Variants in NEDD4L observed in about 807,000 individuals in gnomAD.
The protein encoded by NEDD4L is NEDD4 like E3 ubiquitin protein ligase.
Under a neutral mutation model 148.9 loss-of-function variants are expected in NEDD4L, and 54 were observed. The ratio of observed to expected loss-of-function variants is 0.36; its 90% CI spans 0.29 to 0.45. NEDD4L has a LOEUF of 0.45. Among genes scored for constraint, NEDD4L ranks in the 20% least tolerant of loss-of-function variants. NEDD4L has a pLI of 1.00. For synonymous variants in NEDD4L, 433 were observed against 440.7 expected (o/e 0.98, Z 0.22); for missense variants, 856 against 1,233.8 (o/e 0.69, Z 4.59).
chr18:58,256,531 C>G lies in NEDD4L; in HGVS notation c.297+4477C>G. 8.1e-7 allele frequency: 1 copy of G among 1,232,288 alleles called. No individual in the cohort carries two copies. Among genetic ancestry groups the G allele is most frequent in the African/African-American group, 1.5e-5 (1 of 64,546 alleles). 76.3% of individuals were successfully genotyped at this position (1,232,288 alleles called of 1,614,324 possible). ...AGCCCCGAAGCGAGCGAGGGAGCCC[C>G]ACGGAAGATCGGGGAGCCCTGGAGG... is the stretch of plus-strand genomic sequence containing the variant. On this transcript the variant is annotated intron_variant, in intron 5 of 30. Coordinates refer to ENST00000400345, the MANE Select transcript of NEDD4L (RefSeq NM_001144967.3). The surrounding 1 kb of genome is among the most constrained non-coding windows in gnomAD (Gnocchi z 5.2).
intron 2 of NEDD4L, among the ~76,000 whole-genome samples, chr18:58,231,916 G>A (rs2045289274): frequency 6.6e-6 from 1 of 152,298 alleles, no homozygotes; most frequent in South Asian, 2.1e-4. Context: ...AAAGTCGGAA[G>A]CATAGGGCAA....
At chr18:58,129,909 T>G (rs1226711314) in intron 1 of NEDD4L, among the ~76,000 whole-genome samples, 72 of 84,220 alleles carry the variant, frequency 8.5e-4, no homozygotes, top group Admixed American at 1.2e-3. Context: ...GGCTCTGGAG[T>G]TTGGTTGTGA....
At chr18:58,214,800 ATTT>A (rs60043101) in intron 2 of NEDD4L, among the ~76,000 whole-genome samples, 177 of 123,390 alleles carry the variant, frequency 1.4e-3, no homozygotes, top group Non-Finnish European at 2.3e-3. Context: ...TCTTTCTTTC[ATTT>A]TTTTTTTTTT....
At chr18:58,394,495 C>T (rs2050232488) in intron 30 of NEDD4L, among the ~76,000 whole-genome samples, 1 of 152,260 alleles carries the variant, frequency 6.6e-6, no homozygotes, top group East Asian at 1.9e-4. Flanking sequence ...GAAACCCCAG[C>T]TGAAAAGCCT....
chr18:58,064,826 G>A (rs145049332), intron 1 of NEDD4L, among the ~76,000 whole-genome samples: 102 of 152,268 alleles, frequency 6.7e-4, no homozygotes, highest in African/African-American at 2.4e-3. Context: ...TCATAGTCTG[G>A]CCAGGCGTGA....
chr18:58,370,739 A>T (rs1453539103), intron 23 of NEDD4L, among the ~76,000 whole-genome samples: 2 of 152,216 alleles, frequency 1.3e-5, no homozygotes, highest in Non-Finnish European at 2.9e-5. Context: ...GAACTTACTA[A>T]ATCCAAGAGA....
At chr18:58,126,895 G>A (rs1029099188) in intron 1 of NEDD4L, among the ~76,000 whole-genome samples, 3 of 152,186 alleles carry the variant, frequency 2.0e-5, no homozygotes, top group African/African-American at 4.8e-5. Context: ...CTTGGCACCC[G>A]CACCCCAGCA....
At chr18:58,079,412 C>CA (rs1310658438) in intron 1 of NEDD4L, among the ~76,000 whole-genome samples, 1 of 152,214 alleles carries the variant, frequency 6.6e-6, no homozygotes, top group Non-Finnish European at 1.5e-5. Context: ...AACAAACACT[C>CA]ACAGTGTACT....
chr18:58,139,945 G>A (rs1300965297), intron 1 of NEDD4L, among the ~76,000 whole-genome samples: 1 of 152,130 alleles, frequency 6.6e-6, no homozygotes, highest in African/African-American at 2.4e-5. Context: ...TTTCAAGCAG[G>A]GATGTGACCT....
chr18:58,065,039 C>G (rs1342178737), intron 1 of NEDD4L, among the ~76,000 whole-genome samples: 1 of 152,206 alleles, frequency 6.6e-6, no homozygotes, highest in Non-Finnish European at 1.5e-5. Flanking sequence ...ATATATAGCT[C>G]TGGTTCTTCA....
At chr18:58,126,955 A>G (rs1303836999) in intron 1 of NEDD4L, among the ~76,000 whole-genome samples, 4 of 152,178 alleles carry the variant, frequency 2.6e-5, no homozygotes. Context: ...CCTGGGGTTG[A>G]CTGACCAGAG....
rs543763845 is a variant in NEDD4L, at chr18:58,342,879, G to A, written c.1378-27G>A. On this transcript the variant is annotated intron_variant, in intron 15 of 30. Transcript: ENST00000400345. ...ACATTGGAATCGCACATGCTAAAGAGTTCTAATCCTCATTGTTATTCTTTA... is the reference window on the plus strand; with the variant it reads ...ACATTGGAATCGCACATGCTAAAGAATTCTAATCCTCATTGTTATTCTTTA... The A allele has an allele frequency of 1.5e-5, 23 of 1,567,578 alleles. No individual in the cohort carries two copies. In the East Asian group the frequency reaches 4.5e-4, roughly 30 times the overall value.
chr18:58,234,725 A>G (rs948795374), intron 2 of NEDD4L, among the ~76,000 whole-genome samples: 1 of 152,100 alleles, frequency 6.6e-6, no homozygotes, highest in Non-Finnish European at 1.5e-5. Context: ...TCCCCATCTT[A>G]TAAGATAGAG....
At chr18:58,327,758 G>A (rs574681633) in intron 9 of NEDD4L, among the ~76,000 whole-genome samples, 1 of 152,252 alleles carries the variant, frequency 6.6e-6, no homozygotes, top group Non-Finnish European at 1.5e-5. Flanking sequence ...CTGAAATGAC[G>A]ATTTCAACTT....
chr18:58,312,480 G>T (rs2057807560), intron 5 of NEDD4L, among the ~76,000 whole-genome samples: 1 of 152,124 alleles, frequency 6.6e-6, no homozygotes, highest in Non-Finnish European at 1.5e-5. Flanking sequence ...ATGACCTAAG[G>T]GTGCTGTGAT....
At chr18:58,160,356 A>G (rs567069506) in intron 1 of NEDD4L, among the ~76,000 whole-genome samples, 1 of 152,274 alleles carries the variant, frequency 6.6e-6, no homozygotes, top group Admixed American at 6.5e-5. Context: ...TTATGTCTTG[A>G]TGAAGAAGTA....
chr18:58,138,741 G>A (rs934043093), intron 1 of NEDD4L, among the ~76,000 whole-genome samples: 5 of 152,064 alleles, frequency 3.3e-5, no homozygotes, highest in Admixed American at 2.0e-4. Flanking sequence ...CTTACATGAT[G>A]AGAGAGAGAG....
chr18:58,302,983 A>G lies in NEDD4L; in HGVS notation c.298-12999A>G, dbSNP rs145825449. Among the ~76,000 whole-genome samples, 283 of 152,362 alleles carry G rather than the reference A, an allele frequency of 1.9e-3. 2 individuals are homozygous for G. The highest frequency in any genetic ancestry group is 6.3e-3 in the African/African-American group (261 of 41,600). On this transcript the variant is annotated intron_variant, in intron 5 of 30. Transcript: ENST00000400345. ...ATGCAGTGCAACAGAAGTGGATTTC[A>G]GGACTGAGACTAGGGTGAGGCAAGA...
intron 1 of NEDD4L, among the ~76,000 whole-genome samples, chr18:58,153,604 G>A (rs1303818878): frequency 6.6e-6 from 1 of 151,602 alleles, no homozygotes; most frequent in African/African-American, 2.4e-5. Flanking sequence ...CTCTTAGGGA[G>A]CATGTTTGAA....
Sources: gnomAD v4.1 joint callset for allele counts (sites outside exome capture counted in the v4.1 genomes callset) on GRCh38, gnomAD v4.1.1 for gene constraint, Gnocchi (gnomAD v3.1) non-coding constraint, MANE v1.5 for transcripts, NCBI Gene and HGNC (gene_info 2026-07-23, HGNC 2026-07-21) for gene names.